PTPRK: variants seen among roughly 807,000 people sequenced by gnomAD.
PTPRK encodes the protein protein tyrosine phosphatase receptor type K.
In PTPRK, 75 loss-of-function variants were observed where a neutral mutation model predicts 178.0. That is an observed-to-expected ratio of 0.42 (90% CI 0.35 to 0.51). The LOEUF (loss-of-function observed/expected upper bound fraction) is 0.51. Among genes scored for constraint, PTPRK ranks in the 20% least tolerant of loss-of-function variants. The pLI is 0.02. For synonymous variants in PTPRK, 637 were observed against 620.6 expected (o/e 1.03, Z -0.39); for missense variants, 1,441 against 1,797.8 (o/e 0.80, Z 3.59).
At chr6:128,321,911 T>C in intron 3 of PTPRK, 128 bp downstream of exon 3, 1 of 1,221,860 alleles carries the variant, frequency 8.2e-7, no homozygotes, top group Middle Eastern at 1.9e-4. Flanking sequence ...ACTTCCCCAA[T>C]AATGGGGGTG....
intron 7 of PTPRK, among the ~76,000 whole-genome samples, chr6:128,093,543 C>T (rs1230684477): frequency 1.6e-5 from 2 of 124,052 alleles, no homozygotes; most frequent in Non-Finnish European, 3.1e-5. Flanking sequence ...TGCAGTGAGC[C>T]GAGATCGCAC....
intron 1 of PTPRK, among the ~76,000 whole-genome samples, chr6:128,418,847 A>T (rs1329038364): frequency 6.6e-6 from 1 of 152,078 alleles, no homozygotes; most frequent in Non-Finnish European, 1.5e-5. Flanking sequence ...TGTCTATATC[A>T]TTCTTTTTTT....
intron 7 of PTPRK, among the ~76,000 whole-genome samples, chr6:128,115,082 C>G (rs555313447): frequency 9.2e-5 from 14 of 152,064 alleles, no homozygotes; most frequent in Non-Finnish European, 1.9e-4. Context: ...CAAGGTAATG[C>G]CAATCATCCC....
intron 1 of PTPRK, among the ~76,000 whole-genome samples, chr6:128,404,125 A>G (rs1012125419): frequency 6.6e-6 from 1 of 152,200 alleles, no homozygotes; most frequent in African/African-American, 2.4e-5. Flanking sequence ...AGAACCTTTA[A>G]CTTCTGCATC....
At chr6:128,103,730 T>C (rs1007030801) in intron 7 of PTPRK, among the ~76,000 whole-genome samples, 6 of 152,188 alleles carry the variant, frequency 3.9e-5, no homozygotes, top group Non-Finnish European at 7.4e-5. Flanking sequence ...CTTCCACCAA[T>C]GCTATTTATT....
chr6:128,351,060 G>C (rs575817612), intron 2 of PTPRK, among the ~76,000 whole-genome samples: 2 of 152,326 alleles, frequency 1.3e-5, no homozygotes, highest in Non-Finnish European at 2.9e-5. Flanking sequence ...ATCTAAAAGA[G>C]ACAGCCCTGA....
intron 12 of PTPRK, among the ~76,000 whole-genome samples, chr6:128,066,323 T>C (rs1781748336): frequency 6.6e-6 from 1 of 152,164 alleles, no homozygotes; most frequent in South Asian, 2.1e-4. Context: ...TCTTCAACCA[T>C]GAGCAGCCTC....
At chr6:128,081,245 G>A (rs1784765763) in intron 10 of PTPRK, among the ~76,000 whole-genome samples, 2 of 151,894 alleles carry the variant, frequency 1.3e-5, no homozygotes, top group South Asian at 2.1e-4. Flanking sequence ...TTCATGATTT[G>A]TAATTGTTCT....
At chr6:128,118,301 G>A (rs1481360357) in intron 7 of PTPRK, among the ~76,000 whole-genome samples, 1 of 152,078 alleles carries the variant, frequency 6.6e-6, no homozygotes, top group African/African-American at 2.4e-5. Context: ...CAAATACCCT[G>A]GCACCTGCCT....
At chr6:128,246,706 C>T (rs920560466) in intron 3 of PTPRK, among the ~76,000 whole-genome samples, 11 of 152,204 alleles carry the variant, frequency 7.2e-5, no homozygotes, top group Non-Finnish European at 1.5e-4. Context: ...AGCAGTCAAC[C>T]AGGCTTCCCA....
intron 2 of PTPRK, among the ~76,000 whole-genome samples, chr6:128,354,382 CAT>C (rs1302960974): frequency 2.6e-5 from 4 of 151,582 alleles, no homozygotes; most frequent in African/African-American, 7.3e-5. Context: ...GGACTACAGG[CAT>C]CCACCACCGC....
intron 1 of PTPRK, among the ~76,000 whole-genome samples, chr6:128,434,853 C>T (rs1449351461): frequency 6.6e-6 from 1 of 151,532 alleles, no homozygotes; most frequent in African/African-American, 2.4e-5. Flanking sequence ...GAATCTGTCT[C>T]TACAAAAAAA....
At position 128,122,921 on chromosome 6, in the gene PTPRK, T is replaced by A. The variant is rs1049597616; in HGVS notation, c.1163-32929A>T. Among the ~76,000 whole-genome samples the A allele has an allele frequency of 5.9e-5, 9 of 152,316 alleles. No individual in the cohort carries two copies. The East Asian group carries it at 1.2e-3, about 20-fold the overall frequency. The stretch of plus-strand genomic sequence containing the variant: ...CCAGTTCATGCAGATGGTTGAACAC[T>A]TTATGGATATGGCATGGTGTAAGTG... On this transcript the variant is annotated intron_variant, in intron 7 of 29. Transcript: ENST00000368226.
intron 3 of PTPRK, among the ~76,000 whole-genome samples, chr6:128,242,830 T>C (rs1337306816): frequency 1.3e-5 from 2 of 152,230 alleles, no homozygotes; most frequent in African/African-American, 4.8e-5. Context: ...TTAAATTTTT[T>C]AAGCAGTTAT....
chr6:128,044,085 T>C (rs1203386630), intron 13 of PTPRK, among the ~76,000 whole-genome samples: 3 of 151,960 alleles, frequency 2.0e-5, no homozygotes, highest in Non-Finnish European at 4.4e-5. Context: ...CTATATCAAA[T>C]CCAACATTTT....
In PTPRK at chr6:127,983,386, C is replaced by A. The variant is rs79757627; in HGVS notation, c.3252-9G>T. The A allele has an allele frequency of 8.5e-4, 1,376 of 1,610,544 alleles. 24 individuals carry two copies. The East Asian group carries it at 0.026, about 30-fold the overall frequency. ...TTCGTCCAGCACCAGCACTGAAAAA[C>A]AATTAAATTTAATGAATTGTAAGAA... On this transcript the variant is annotated splice_polypyrimidine_tract_variant and intron_variant, in intron 22 of 29. Transcript: ENST00000368226.
At chr6:128,436,141 C>T (rs1845573391) in intron 1 of PTPRK, among the ~76,000 whole-genome samples, 1 of 152,034 alleles carries the variant, frequency 6.6e-6, no homozygotes. Context: ...TCTCGACCAA[C>T]ATTTTTCCAA....
intron 1 of PTPRK, among the ~76,000 whole-genome samples, chr6:128,416,041 G>A (rs1256775109): frequency 1.3e-5 from 2 of 151,886 alleles, no homozygotes; most frequent in Admixed American, 6.6e-5. Context: ...ACTCAATCTG[G>A]GGAATACAGA....
Position 128,242,539 on chromosome 6 carries a change from C to T in PTPRK, c.559G>A (p.Val187Ile), listed in dbSNP as rs776229528. 1.1e-5 allele frequency: 17 copies of T among 1,612,930 alleles called. No individual in the cohort carries two copies. The African/African-American group carries it at 1.2e-4, about 11-fold the overall frequency. The change falls in exon 4 of 30, where the codon GTA becomes ATA. Residue 187 changes from valine (V) to isoleucine (I), a missense_variant. Physicochemically the swap from Val to Ile is conservative, Grantham distance 29. Transcript: ENST00000368226. ...AACCTACCACAAGGATAACTCAGTA[C>T]TTGGATGTCATCAATGGCAATATAA... is the stretch of plus-strand genomic sequence containing the variant. ...SGYIAIDDIQ[V>I]LSYPCDKSPH...
Sources: allele counts gnomAD v4.1 joint callset (sites outside exome capture counted in the v4.1 genomes callset), GRCh38; gene constraint gnomAD v4.1.1; transcripts MANE v1.5; gene names NCBI Gene and HGNC (gene_info 2026-07-23, HGNC 2026-07-21).